Variants in FSTL5 observed in about 807,000 individuals in gnomAD.
FSTL5 encodes the protein follistatin-related protein 5.
In FSTL5, 62 loss-of-function variants were observed where a neutral mutation model predicts 89.1. That is an observed-to-expected ratio of 0.70 (90% CI 0.57 to 0.86). FSTL5 has a LOEUF of 0.86. Among genes scored for constraint, FSTL5 ranks in the 40% least tolerant of loss-of-function variants. The probability of loss-of-function intolerance (pLI) is 0.00; values close to 1 mark genes in which losing one functional copy is unlikely to be tolerated. For missense variants in FSTL5, 1,057 were observed against 1,001.6 expected, an observed-to-expected ratio of 1.06 and a Z score of -0.75; for synonymous variants, 383 against 346.2, an observed-to-expected ratio of 1.11 and a Z score of -1.18.
intron 3 of FSTL5, among the ~76,000 whole-genome samples, chr4:161,958,958 G>A (rs150269371): frequency 7.2e-4 from 110 of 152,094 alleles, no homozygotes; most frequent in Middle Eastern, 3.4e-3. Flanking sequence ...TCAATTCAGG[G>A]AGACTGTTGT....
intron 7 of FSTL5, among the ~76,000 whole-genome samples, chr4:161,600,910 T>A (rs1039711170): frequency 6.6e-6 from 1 of 152,126 alleles, no homozygotes; most frequent in South Asian, 2.1e-4. Context: ...AGTGCTAACT[T>A]TGCAGATCAA....
chr4:161,549,563 C>T (rs2126554527), intron 8 of FSTL5, among the ~76,000 whole-genome samples: 1 of 151,860 alleles, frequency 6.6e-6, no homozygotes, highest in Middle Eastern at 3.4e-3. Flanking sequence ...TTAGCATTTG[C>T]TATTTAAAAT....
At chr4:161,525,641 A>G (rs1731193720) in intron 10 of FSTL5, among the ~76,000 whole-genome samples, 1 of 152,196 alleles carries the variant, frequency 6.6e-6, no homozygotes, top group Admixed American at 6.5e-5. Context: ...TTCTGGATGT[A>G]TGGGAATTCA....
At chr4:161,998,512 C>A (rs956684792) in intron 3 of FSTL5, among the ~76,000 whole-genome samples, 1 of 152,020 alleles carries the variant, frequency 6.6e-6, no homozygotes, top group African/African-American at 2.4e-5. Flanking sequence ...ATTTAAAATC[C>A]TTCACCTTTG....
chr4:161,616,699 G>A (rs893319022), intron 7 of FSTL5, among the ~76,000 whole-genome samples: 1 of 151,934 alleles, frequency 6.6e-6, no homozygotes, highest in South Asian at 2.1e-4. Context: ...CCTATTGGGG[G>A]TGGGAGTGGG....
chr4:161,984,994 TTGCCCAGGCTGGAG>T (rs1382053032), intron 3 of FSTL5, among the ~76,000 whole-genome samples: 1 of 151,862 alleles, frequency 6.6e-6, no homozygotes, highest in Non-Finnish European at 1.5e-5. Flanking sequence ...TCTCATTCTG[TTGCCCAGGCTGGAG>T]TGCAGTGGCG....
chr4:161,607,487 G>A (rs112335419), intron 7 of FSTL5, among the ~76,000 whole-genome samples: 4 of 151,976 alleles, frequency 2.6e-5, no homozygotes, highest in African/African-American at 7.2e-5. Flanking sequence ...CTGTTTCTGC[G>A]ATAAAAATAG....
At chr4:162,110,368 T>C (rs934007558) in intron 2 of FSTL5, among the ~76,000 whole-genome samples, 2 of 151,918 alleles carry the variant, frequency 1.3e-5, no homozygotes, top group Admixed American at 6.6e-5. Flanking sequence ...CCAGTAAAGA[T>C]TGGCTATTTT....
At chr4:161,591,891 T>C (rs773286741) in intron 7 of FSTL5, among the ~76,000 whole-genome samples, 30 of 152,334 alleles carry the variant, frequency 2.0e-4, no homozygotes, top group Non-Finnish European at 3.5e-4. Context: ...ACTAGTTCCA[T>C]TTGGCCTCTA....
intron 7 of FSTL5, among the ~76,000 whole-genome samples, chr4:161,649,446 C>T (rs1009448661): frequency 1.3e-5 from 2 of 151,922 alleles, no homozygotes; most frequent in African/African-American, 4.8e-5. Context: ...ATAAATAAAG[C>T]ATAATTAAGA....
chr4:161,774,201 T>G (rs1186975006), intron 5 of FSTL5, among the ~76,000 whole-genome samples: 6 of 152,008 alleles, frequency 3.9e-5, no homozygotes, highest in Non-Finnish European at 8.8e-5. Context: ...GGACAACATG[T>G]GACTATAGAA....
intron 4 of FSTL5, among the ~76,000 whole-genome samples, chr4:161,835,706 CT>C (rs1275361929): frequency 6.6e-6 from 1 of 152,162 alleles, no homozygotes; most frequent in Non-Finnish European, 1.5e-5. Context: ...TGAAAAAATG[CT>C]CATCATCACT....
At chr4:162,033,734 T>G in intron 2 of FSTL5, 76 bp from the exon 3 acceptor site, 1 of 764,158 alleles carries the variant, frequency 1.3e-6, no homozygotes, top group Admixed American at 3.1e-5. Flanking sequence ...AGTTTCACTA[T>G]AGAAGTATCA....
intron 15 of FSTL5, among the ~76,000 whole-genome samples, chr4:161,445,508 G>T (rs935247287): frequency 9.2e-5 from 14 of 151,688 alleles, no homozygotes; most frequent in African/African-American, 2.9e-4. Context: ...TTATTAATAA[G>T]AATAAATATT....
intron 3 of FSTL5, among the ~76,000 whole-genome samples, chr4:161,975,476 C>A (rs1023249838): frequency 6.7e-6 from 1 of 150,082 alleles, no homozygotes; most frequent in African/African-American, 2.5e-5. Context: ...AATTGGAAAT[C>A]ATCATTCTCA....
At chr4:161,625,632 T>C (rs549221905) in intron 7 of FSTL5, among the ~76,000 whole-genome samples, 15 of 152,122 alleles carry the variant, frequency 9.9e-5, no homozygotes, top group African/African-American at 3.6e-4. Flanking sequence ...CCTCTAAGTG[T>C]TTAAGTGAAA....
At chr4:162,111,160 C>A (rs772327467) in intron 2 of FSTL5, 111 bp downstream of exon 2, 3 of 844,466 alleles carry the variant, frequency 3.6e-6, no homozygotes, top group Non-Finnish European at 5.2e-6. Flanking sequence ...ATGGAAACTA[C>A]TGAAAGCATA....
Position 161,965,026 on chromosome 4 carries a change from A to T in FSTL5, c.161-44374T>A, listed in dbSNP as rs547151695. Among the ~76,000 whole-genome samples, 521 of 152,238 alleles carry T rather than the reference A, an allele frequency of 3.4e-3. 3 individuals are homozygous for T. The highest frequency in any genetic ancestry group is 0.012 in the African/African-American group (501 of 41,558). Reference sequence around the variant, plus strand: ...GACCTAGAGTTGATATAAAACTATTAAGATTTCCCTAAAGCATCATTACAG... The same window carrying T: ...GACCTAGAGTTGATATAAAACTATTTAGATTTCCCTAAAGCATCATTACAG... On this transcript the variant is annotated intron_variant, in intron 3 of 15. Transcript: ENST00000306100.
chr4:161,482,004 G>A (rs1048771306), intron 12 of FSTL5, among the ~76,000 whole-genome samples: 1 of 152,146 alleles, frequency 6.6e-6, no homozygotes, highest in Admixed American at 6.5e-5. Flanking sequence ...ACTAATAAGA[G>A]AGACTGGTTA....
Sources: allele counts gnomAD v4.1 joint callset (sites outside exome capture counted in the v4.1 genomes callset), GRCh38; gene constraint gnomAD v4.1.1; transcripts MANE v1.5; gene names NCBI Gene and HGNC (gene_info 2026-07-23, HGNC 2026-07-21).